The following PCCA variants were observed in gnomAD, a reference collection of about 807,000 sequenced individuals.
PCCA encodes the protein propionyl-CoA carboxylase alpha chain, mitochondrial.
A neutral mutation model predicts 101.3 loss-of-function variants in PCCA; 74 were observed. The observed-to-expected ratio is 0.73, with a 90% CI of 0.61 to 0.89. The LOEUF (loss-of-function observed/expected upper bound fraction) is 0.89, where lower values mean the gene tolerates loss of function less well. Ranked by LOEUF, PCCA falls within the 40% of genes least tolerant of loss-of-function variation. The pLI is 0.00. For synonymous variants in PCCA, 294 were observed against 313.6 expected (o/e 0.94, Z 0.66); for missense variants, 891 against 907.0 (o/e 0.98, Z 0.23).
chr13:100,196,179 T>G (rs2152456463), intron 6 of PCCA, among the ~76,000 whole-genome samples: 1 of 152,280 alleles, frequency 6.6e-6, no homozygotes, highest in Middle Eastern at 3.4e-3. Context: ...GTTGAAATGG[T>G]TTTTATTAAA....
At chr13:100,461,803 C>CT (rs1435405999) in intron 21 of PCCA, among the ~76,000 whole-genome samples, 1 of 152,164 alleles carries the variant, frequency 6.6e-6, no homozygotes, top group East Asian at 1.9e-4. Context: ...TGAGTTGGCT[C>CT]TTGGCAGTTA....
chr13:100,367,671 T>A (rs1048579408), intron 18 of PCCA, among the ~76,000 whole-genome samples: 3 of 150,252 alleles, frequency 2.0e-5, no homozygotes, highest in Non-Finnish European at 4.4e-5. Context: ...AAAAAATAAT[T>A]ATATCGGCCA....
chr13:100,227,165 C>T (rs537769741), intron 7 of PCCA, among the ~76,000 whole-genome samples: 6 of 151,772 alleles, frequency 4.0e-5, no homozygotes, highest in East Asian at 1.9e-4. Flanking sequence ...TTGGTAGAGA[C>T]GGGGTTTCAC....
chr13:100,310,027 A>G, intron 16 of PCCA, 119 bp downstream of exon 16: 3 of 754,886 alleles, frequency 4.0e-6, no homozygotes, highest in Non-Finnish European at 7.0e-6. Flanking sequence ...GTGCTTAAAG[A>G]GAAATAAGAA....
At chr13:100,368,676 G>A (rs1385946520) in intron 19 of PCCA, 102 bp downstream of exon 19, 1 of 740,644 alleles carries the variant, frequency 1.4e-6, no homozygotes, top group African/African-American at 1.8e-5. Flanking sequence ...TGAATTTGTA[G>A]TACCTCTATG....
chr13:100,374,859 T>C (rs2075803566), intron 19 of PCCA, among the ~76,000 whole-genome samples: 1 of 152,216 alleles, frequency 6.6e-6, no homozygotes, highest in Admixed American at 6.5e-5. Context: ...TTCGTGTCTC[T>C]GTCTCCTTCA....
chr13:100,347,244 A>C (rs769679975), intron 18 of PCCA, among the ~76,000 whole-genome samples: 1 of 152,230 alleles, frequency 6.6e-6, no homozygotes, highest in Non-Finnish European at 1.5e-5. Flanking sequence ...ACTACAACAC[A>C]GTGTAAACGT....
chr13:100,271,442 C>G (rs2063308489), intron 11 of PCCA, among the ~76,000 whole-genome samples: 1 of 151,864 alleles, frequency 6.6e-6, no homozygotes, highest in Non-Finnish European at 1.5e-5. Context: ...GTCTAACTAG[C>G]AATCTATATG....
chr13:100,158,854 C>T (rs1220114602), intron 6 of PCCA, among the ~76,000 whole-genome samples: 8 of 151,834 alleles, frequency 5.3e-5, no homozygotes, highest in Non-Finnish European at 1.2e-4. Context: ...TGACAGAGAC[C>T]ATTTGGCCTA....
At chr13:100,227,760 CT>C (rs1183876469) in intron 7 of PCCA, among the ~76,000 whole-genome samples, 3 of 152,128 alleles carry the variant, frequency 2.0e-5, no homozygotes, top group African/African-American at 7.2e-5. Flanking sequence ...TAGTTTATCA[CT>C]TAGAAGAATA....
At chr13:100,176,993 C>T (rs904407483) in intron 6 of PCCA, among the ~76,000 whole-genome samples, 6 of 152,160 alleles carry the variant, frequency 3.9e-5, no homozygotes, top group Non-Finnish European at 5.9e-5. Flanking sequence ...AAATCGCTTG[C>T]AAATTTGTGA....
At chr13:100,423,436 G>A (rs982564323) in intron 19 of PCCA, among the ~76,000 whole-genome samples, 5 of 152,132 alleles carry the variant, frequency 3.3e-5, no homozygotes, top group Non-Finnish European at 1.5e-5. Flanking sequence ...CCTCTTATTC[G>A]GGATTATGTA....
intron 6 of PCCA, among the ~76,000 whole-genome samples, chr13:100,182,384 T>C (rs2056883665): frequency 6.6e-6 from 1 of 152,142 alleles, no homozygotes; most frequent in Non-Finnish European, 1.5e-5. Context: ...GCACTGTGCC[T>C]GGCCAGTTAC....
rs2060161685 is a variant in PCCA at position 100,226,663 on chromosome 13, CG to C, written c.601-9178del. 2.6e-5 allele frequency among the ~76,000 whole-genome samples: 4 copies of C among 152,208 alleles called. No homozygotes were observed. The South Asian group carries it at 8.3e-4, about 32-fold the overall frequency. On this transcript the variant is annotated intron_variant, in intron 7 of 23. Coordinates refer to ENST00000376285, the MANE Select transcript of PCCA (RefSeq NM_000282.4). Reference sequence around the variant, plus strand: ...GTACATGTTTTTTCCAGTATTGTAGCGCCAGGGTTAGTTCTATGTTATCTAG... The same window carrying C: ...GTACATGTTTTTTCCAGTATTGTAGCCCAGGGTTAGTTCTATGTTATCTAG...
intron 6 of PCCA, among the ~76,000 whole-genome samples, chr13:100,188,660 C>T: frequency 6.6e-6 from 1 of 152,170 alleles, no homozygotes; most frequent in Non-Finnish European, 1.5e-5. Flanking sequence ...GTTGTACTAG[C>T]TTACATTCCC....
chr13:100,211,179 T>C (rs538024173), intron 7 of PCCA, among the ~76,000 whole-genome samples: 3 of 152,348 alleles, frequency 2.0e-5, no homozygotes, highest in African/African-American at 7.2e-5. Flanking sequence ...CTGCGTATCA[T>C]AGTTCTCACA....
At chr13:100,213,814 A>G (rs2059363169) in intron 7 of PCCA, among the ~76,000 whole-genome samples, 1 of 152,184 alleles carries the variant, frequency 6.6e-6, no homozygotes, top group Non-Finnish European at 1.5e-5. Flanking sequence ...CCAGACCAGC[A>G]TCTTACAGAG....
At chr13:100,320,576 A>T (rs2067916937) in intron 16 of PCCA, among the ~76,000 whole-genome samples, 1 of 152,182 alleles carries the variant, frequency 6.6e-6, no homozygotes. Flanking sequence ...GCATCTATTG[A>T]GATAATCATG....
intron 4 of PCCA, among the ~76,000 whole-genome samples, chr13:100,137,222 G>A (rs1032859270): frequency 6.6e-6 from 1 of 151,864 alleles, no homozygotes; most frequent in Non-Finnish European, 1.5e-5. Context: ...ATCATATTTT[G>A]TATTATTATA....
Sources: gnomAD v4.1 joint callset for allele counts (sites outside exome capture counted in the v4.1 genomes callset) on GRCh38, gnomAD v4.1.1 for gene constraint, MANE v1.5 for transcripts, NCBI Gene and HGNC (gene_info 2026-07-23, HGNC 2026-07-21) for gene names.